CFAP299: variants seen among roughly 807,000 people sequenced by gnomAD.
CFAP299 encodes the protein cilia and flagella associated protein 299.
In CFAP299, 21 loss-of-function variants were observed where a neutral mutation model predicts 27.0. The ratio of observed to expected loss-of-function variants is 0.78; its 90% CI spans 0.55 to 1.12. The LOEUF is 1.12. Among genes scored for constraint, CFAP299 ranks in the 50% most tolerant of loss-of-function variants. CFAP299 has a pLI of 0.00. For missense variants in CFAP299, 310 were observed against 276.6 expected, an observed-to-expected ratio of 1.12 and a Z score of -0.86; for synonymous variants, 104 against 98.1, an observed-to-expected ratio of 1.06 and a Z score of -0.36.
intron 2 of CFAP299, among the ~76,000 whole-genome samples, chr4:80,536,192 T>C (rs1733730835): frequency 2.6e-5 from 4 of 152,274 alleles, no homozygotes; most frequent in Admixed American, 2.6e-4. Context: ...TTAGAACTGC[T>C]CAGTAATGGG....
At chr4:80,697,895 G>T (rs928083912) in intron 3 of CFAP299, among the ~76,000 whole-genome samples, 1 of 152,138 alleles carries the variant, frequency 6.6e-6, no homozygotes, top group South Asian at 2.1e-4. Context: ...TTAGGTACAT[G>T]TATTAATTTT....
chr4:80,471,796 C>T (rs940923839), intron 2 of CFAP299, among the ~76,000 whole-genome samples: 4 of 152,172 alleles, frequency 2.6e-5, no homozygotes, highest in Non-Finnish European at 4.4e-5. Flanking sequence ...GACTCCACAG[C>T]GTGACTGCCA....
chr4:80,351,156 G>A (rs1303314155), intron 1 of CFAP299, among the ~76,000 whole-genome samples: 1 of 152,080 alleles, frequency 6.6e-6, no homozygotes, highest in Admixed American at 6.6e-5. Flanking sequence ...CAGGTTGAAG[G>A]AAAATTATAT....
intron 2 of CFAP299, chr4:80,387,109 G>C: frequency 6.9e-7 from 1 of 1,444,336 alleles, no homozygotes. Flanking sequence ...AGGGCCTCTG[G>C]GGTGGATATT....
intron 3 of CFAP299, among the ~76,000 whole-genome samples, chr4:80,587,219 A>G (rs1036623897): frequency 2.0e-5 from 3 of 152,196 alleles, no homozygotes; most frequent in African/African-American, 4.8e-5. Context: ...TATGGAAATT[A>G]TATGACTCAC....
At chr4:80,783,407 A>G (rs943121645) in intron 3 of CFAP299, among the ~76,000 whole-genome samples, 2 of 152,142 alleles carry the variant, frequency 1.3e-5, no homozygotes, top group Non-Finnish European at 1.5e-5. Flanking sequence ...CATTTTATAG[A>G]TGAGAAAATT....
chr4:80,562,311 A>G (rs1464088721), intron 2 of CFAP299, among the ~76,000 whole-genome samples: 1 of 152,026 alleles, frequency 6.6e-6, no homozygotes, highest in Non-Finnish European at 1.5e-5. Flanking sequence ...CAATAATAAC[A>G]TTGAGGCTGG....
chr4:80,418,326 T>C (rs1173462601), intron 2 of CFAP299, among the ~76,000 whole-genome samples: 1 of 152,148 alleles, frequency 6.6e-6, no homozygotes, highest in Admixed American at 6.5e-5. Context: ...TGTTTGCTAT[T>C]TCACCTAAAG....
chr4:80,921,904 G>A (rs746548141), intron 4 of CFAP299, among the ~76,000 whole-genome samples: 1 of 151,796 alleles, frequency 6.6e-6, no homozygotes, highest in Non-Finnish European at 1.5e-5. Context: ...AGAGGAAAGA[G>A]TCAAGCACAA....
At chr4:80,384,594 G>A (rs549281836) in intron 2 of CFAP299, among the ~76,000 whole-genome samples, 7 of 152,136 alleles carry the variant, frequency 4.6e-5, no homozygotes, top group African/African-American at 1.4e-4. Context: ...GGAGATAAGA[G>A]GAAAAACACC....
At chr4:80,674,946 C>T (rs973038814) in intron 3 of CFAP299, among the ~76,000 whole-genome samples, 1 of 152,110 alleles carries the variant, frequency 6.6e-6, no homozygotes, top group South Asian at 2.1e-4. Context: ...AGGTTTTTAG[C>T]TTCCTTGCAA....
intron 3 of CFAP299, among the ~76,000 whole-genome samples, chr4:80,677,659 A>AT (rs980989422): frequency 3.9e-5 from 6 of 152,016 alleles, no homozygotes; most frequent in African/African-American, 1.2e-4. Context: ...ACAAATCTAT[A>AT]TTTTTTCATA....
chr4:80,935,312 A>G (rs1736834151), intron 4 of CFAP299, among the ~76,000 whole-genome samples: 9 of 152,020 alleles, frequency 5.9e-5, no homozygotes, highest in Admixed American at 5.9e-4. Context: ...ACTTCAAACT[A>G]CTCTACAAGG....
At chr4:80,420,339 T>TGCTTCTGTTTGCAGGCCC (rs1327353818) in intron 2 of CFAP299, 5 of 404,502 alleles carry the variant, frequency 1.2e-5, no homozygotes. Flanking sequence ...TTTGCAGGGA[T>TGCTTCTGTTTGCAGGCCC]GCTTCTGTTT....
At chr4:80,744,620 A>G (rs947333357) in intron 3 of CFAP299, among the ~76,000 whole-genome samples, 4 of 151,546 alleles carry the variant, frequency 2.6e-5, no homozygotes, top group South Asian at 2.1e-4. Flanking sequence ...GTTAATCCCT[A>G]CTAATACACA....
chr4:80,428,223 A>C (rs1465723477), intron 2 of CFAP299, among the ~76,000 whole-genome samples: 3 of 152,202 alleles, frequency 2.0e-5, no homozygotes, highest in African/African-American at 7.2e-5. Context: ...ATCTCCTCTA[A>C]TAAATGACTG....
At chr4:80,409,052 A>AAAGAG (rs1726579917) in intron 2 of CFAP299, among the ~76,000 whole-genome samples, 3 of 151,340 alleles carry the variant, frequency 2.0e-5, no homozygotes, top group Admixed American at 1.3e-4. Context: ...AAAAAAAAAA[A>AAAGAG]AGAGAGAAAA....
chr4:80,552,074 TATTA>T (rs1379488105), intron 2 of CFAP299, among the ~76,000 whole-genome samples: 1 of 152,184 alleles, frequency 6.6e-6, no homozygotes, highest in African/African-American at 2.4e-5. Context: ...GAGCTGAAAC[TATTA>T]ATTTATTTAA....
intron 3 of CFAP299, among the ~76,000 whole-genome samples, chr4:80,645,143 C>A (rs563574589): frequency 5.3e-5 from 8 of 152,180 alleles, no homozygotes; most frequent in Non-Finnish European, 8.8e-5. Context: ...TGGTCTTTCC[C>A]ACCAGTATTT....
Sources: gnomAD v4.1 joint callset for allele counts (sites outside exome capture counted in the v4.1 genomes callset) on GRCh38, gnomAD v4.1.1 for gene constraint, MANE v1.5 for transcripts, NCBI Gene and HGNC (gene_info 2026-07-23, HGNC 2026-07-21) for gene names.